The following ACAP3 variants were observed in gnomAD, a reference collection of about 807,000 sequenced individuals.
ACAP3 encodes arf-GAP with coiled-coil, ANK repeat and PH domain-containing protein 3.
ACAP3 carries 56 observed loss-of-function variants against 104.1 expected under a neutral mutation model. That is an observed-to-expected ratio of 0.54 (90% confidence interval 0.43 to 0.67). The LOEUF is 0.67. Among genes scored for constraint, ACAP3 ranks in the 30% least tolerant of loss-of-function variants. The probability of loss-of-function intolerance (pLI) is 0.00; values close to 1 mark genes in which losing one functional copy is unlikely to be tolerated. For synonymous variants in ACAP3, 628 were observed against 496.2 expected, an observed-to-expected ratio of 1.27 and a Z score of -3.53; for missense variants, 1,208 against 1,174.9, an observed-to-expected ratio of 1.03 and a Z score of -0.41.
At chr1:1,300,267 CAT>C (rs1175781948) in intron 6 of ACAP3, 65 bp from the exon 7 acceptor site, 1 of 1,524,926 alleles carries the variant, frequency 6.6e-7, no homozygotes. Flanking sequence ...CTGCACCTGC[CAT>C]AGAGTCCACC....
chr1:1,297,933 C>G lies in ACAP3; in HGVS notation c.1017G>C (p.Lys339Asn). 6.2e-7 allele frequency: 1 copy of G among 1,611,760 alleles called. No homozygotes were observed. The highest frequency in any genetic ancestry group is 8.5e-7 in the Non-Finnish European group (1 of 1,179,344). The change falls in exon 14 of 24, where the codon AAG becomes AAC. Residue 339 changes from lysine (K) to asparagine (N), a missense_variant and splice_region_variant. Transcript: ENST00000354700. Reference protein sequence around the residue: ...RFCFEVLSPTKSCMLQADSEK... With the variant: ...RFCFEVLSPTNSCMLQADSEK... ...CGGAGTCAGCCTGCAGCATGCAGCT[C>G]CTGCAGGCAGTGGAGGGGCGGGCGT...
chr1:1,298,351 C>T lies in ACAP3; in HGVS notation c.915+19G>A, dbSNP rs201061951. 1.9e-6 allele frequency: 3 copies of T among 1,605,934 alleles called. No homozygotes were observed. The highest frequency in any genetic ancestry group is 2.2e-5 in the East Asian group (1 of 44,756). On this transcript the variant is annotated intron_variant, in intron 12 of 23. Transcript: ENST00000354700. ...GGGCGTCCAGCCATCAGGGCCCCAG[C>T]CCCAGGCCCAGGGCACACCTTGAGC...
In ACAP3 at chr1:1,303,080, G is replaced by A; in HGVS notation, c.225+82C>T. The A allele has an allele frequency of 1.9e-6, 3 of 1,551,536 alleles. No individual in the cohort carries two copies. Among genetic ancestry groups the A allele is most frequent in the Non-Finnish European group, 1.7e-6 (2 of 1,146,608 alleles). Reference sequence around the variant, plus strand: ...GCGGTGCAGACACCGGCCTGCTTCTGGCCTGGACGCCCTCAAGGGGCTGCC... The same window carrying A: ...GCGGTGCAGACACCGGCCTGCTTCTAGCCTGGACGCCCTCAAGGGGCTGCC... On this transcript the variant is annotated intron_variant, in intron 3 of 23. Coordinates refer to ENST00000354700, the MANE Select transcript of ACAP3 (RefSeq NM_030649.3). The surrounding 1 kb of genome is among the most constrained non-coding windows in gnomAD (Gnocchi z 4.0).
chr1:1,303,360 G>C lies in ACAP3; in HGVS notation c.106-79C>G. 1 of 1,521,688 alleles carries C rather than the reference G, an allele frequency of 6.6e-7. No homozygotes were observed. Among genetic ancestry groups the C allele is most frequent in the Admixed American group, 2.0e-5 (1 of 49,082 alleles). The allele number at this position is 1,521,688 out of a possible 1,614,324, so 94.3% of individuals were successfully genotyped here. On this transcript the variant is annotated intron_variant, in intron 2 of 23. Transcript: ENST00000354700. This position sits in a 1 kb window ranked among gnomAD's most constrained non-coding sequence, Gnocchi z 4.0. ...CACCACACACGGCCACTCAGAGGCA[G>C]GAAGAGCTCCCAGGGTAGGTTCCAC...
At position 1,300,650 on chromosome 1, in the gene ACAP3, C is replaced by T. The variant is rs897423820; in HGVS notation, c.381G>A (p.Lys127=). 3 of 1,609,530 alleles carry T rather than the reference C, an allele frequency of 1.9e-6. No homozygotes were observed. The highest frequency in any genetic ancestry group is 2.5e-6 in the Non-Finnish European group (3 of 1,179,036). Residue 127 remains lysine (K), a synonymous_variant, in exon 6 of 24, where the codon AAG becomes AAA. Transcript: ENST00000354700. ...KFKETKKQFD[K]VREDLELSLV... Reference sequence around the variant, plus strand: ...GGGACAGCTCCAGGTCCTCCCGCACCTTGTCAAACTGCTTCTTTGTCTCCT... The same window carrying T: ...GGGACAGCTCCAGGTCCTCCCGCACTTTGTCAAACTGCTTCTTTGTCTCCT...
Position 1,299,356 on chromosome 1 carries a change from TCTGGAGGGC to T in ACAP3, c.739-9_739-1del, listed in dbSNP as rs1202984301. On this transcript the variant is annotated splice_acceptor_variant and splice_polypyrimidine_tract_variant and intron_variant, in intron 9 of 23. Transcript: ENST00000354700. LOFTEE classifies it high-confidence loss of function. Reference sequence around the variant, plus strand: ...CCGTGCTCACTTACCTGCAGCAGCGTCTGGAGGGCCGGAGCAGGAGGGGGTAGGGGGAGA... The same window carrying T: ...CCGTGCTCACTTACCTGCAGCAGCGTCGGAGCAGGAGGGGGTAGGGGGAGA... The T allele has an allele frequency of 1.3e-6, 2 of 1,575,114 alleles. No homozygotes were observed. The highest frequency in any genetic ancestry group is 1.7e-6 in the Non-Finnish European group (2 of 1,159,674).
At chr1:1,305,812 C>A (rs915127210) in intron 1 of ACAP3, 1 of 152,234 alleles carries the variant, frequency 6.6e-6, no homozygotes, top group Admixed American at 6.5e-5. Flanking sequence ...TTCCCCTACA[C>A]GGGCTCCCCT....
chr1:1,293,814 C>A lies in ACAP3; in HGVS notation c.2360+9G>T. 1.3e-6 allele frequency: 2 copies of A among 1,574,648 alleles called. No individual in the cohort carries two copies. Among genetic ancestry groups the A allele is most frequent in the East Asian group, 2.4e-5 (1 of 41,874 alleles). ...CCCCGCCCAGCCCCGAGGGCCCGGC[C>A]GCGCTCACAGTGTCACGATGTCAGC... On this transcript the variant is annotated intron_variant, in intron 23 of 23. Coordinates refer to ENST00000354700, the MANE Select transcript of ACAP3 (RefSeq NM_030649.3).
At chr1:1,299,465 GTCCCCAACTCCTGGGGGGCTC>G in intron 9 of ACAP3, 109 bp from the exon 10 acceptor site, 1 of 1,295,888 alleles carries the variant, frequency 7.7e-7, no homozygotes, top group Non-Finnish European at 1.0e-6. Context: ...TGGTGGACCC[GTCCCCAACTCCTGGGGGGCTC>G]TCCCCTATCC....
chr1:1,294,457 T>A lies in ACAP3; in HGVS notation c.2084A>T (p.Asn695Ile). ...AAALAHGAEV[N>I]WADAEDEGKT... ...GCCCTCATCCTCCGCGTCCGCCCAG[T>A]TGACCTCGGCCCCGTGGGCCAGCGC... is the stretch of plus-strand genomic sequence containing the variant. Residue 695 changes from asparagine (N) to isoleucine (I), a missense_variant, in exon 21 of 24, where the codon AAC becomes ATC. Transcript: ENST00000354700. The A allele has an allele frequency of 6.4e-7, 1 of 1,570,326 alleles. No homozygotes were observed. The highest frequency in any genetic ancestry group is 8.6e-7 in the Non-Finnish European group (1 of 1,164,552).
At chr1:1,294,029 G>A in intron 22 of ACAP3, 61 bp downstream of exon 22, 3 of 1,489,864 alleles carry the variant, frequency 2.0e-6, no homozygotes, top group Non-Finnish European at 2.7e-6. Context: ...CGGACAGGGC[G>A]TAGCCGGGCC....
rs1640975117 is a variant in ACAP3, at chr1:1,293,891, G to A, written c.2292C>T (p.Ala764=). ...ACGGGTCCCGCTGCTCTTGGTCCAG[G>A]GCGTGCTGGTCCGCGCCCCGCTTCA... ...LFLKRGADQH[A]LDQEQRDPLA... Residue 764 remains alanine, a synonymous_variant, in exon 23 of 24, where the codon GCC becomes GCT. Coordinates refer to ENST00000354700, the MANE Select transcript of ACAP3 (RefSeq NM_030649.3). 1 of 1,586,386 alleles carries A rather than the reference G, an allele frequency of 6.3e-7. No homozygotes were observed. The highest frequency in any genetic ancestry group is 8.6e-7 in the Non-Finnish European group (1 of 1,168,588).
rs1641547056 is a variant in ACAP3, at chr1:1,303,604, T to C, written c.106-323A>G. On this transcript the variant is annotated intron_variant, in intron 2 of 23. Transcript: ENST00000354700. The surrounding 1 kb of genome is among the most constrained non-coding windows in gnomAD (Gnocchi z 4.0). ...GCTGCCCACTCCCAGCTCCACGGCC[T>C]GTTGCCCCCTCCTCTTTCTCAGCCC... The C allele has an allele frequency of 1.7e-5, 8 of 469,090 alleles. No homozygotes were observed. The South Asian group carries it at 1.9e-4, about 11-fold the overall frequency. The allele number at this position is 469,090 out of a possible 1,614,324, so 29.1% of individuals were successfully genotyped here. A position where few individuals can be genotyped will look rare whatever the true frequency, so the allele number is the denominator to read the frequency against.
chr1:1,307,657 CCCCGGCGGCCGCGGCCCGG>C, intron 1 of ACAP3, 93 bp downstream of exon 1: 1 of 990,978 alleles, frequency 1.0e-6, no homozygotes, highest in Non-Finnish European at 1.2e-6. Context: ...TCCAGCCCCT[CCCCGGCGGCCGCGGCCCGG>C]CCCGGCGCTG....
intron 5 of ACAP3, among the ~76,000 whole-genome samples, 172 bp from the exon 6 acceptor site, chr1:1,300,864 C>T (rs998481463): frequency 1.7e-4 from 26 of 152,032 alleles, no homozygotes; most frequent in African/African-American, 4.6e-4. Flanking sequence ...CTCTGCCTCG[C>T]GAGTTCAAGT....
Position 1,307,755 on chromosome 1 carries a change from C to A in ACAP3, c.47+14G>T. On this transcript the variant is annotated intron_variant, in intron 1 of 23. Transcript: ENST00000354700. ...CCCGGCCTGCGCCCACCCCGGCGGCCCCGGGCGGCGCACCTGAAGCGCGGG... is the reference window on the plus strand; with the variant it reads ...CCCGGCCTGCGCCCACCCCGGCGGCACCGGGCGGCGCACCTGAAGCGCGGG... 9.1e-7 allele frequency: 1 copy of A among 1,099,314 alleles called. No homozygotes were observed. The highest frequency in any genetic ancestry group is 1.1e-6 in the Non-Finnish European group (1 of 903,512). 68.1% of individuals were successfully genotyped at this position (1,099,314 alleles called of 1,614,324 possible).
rs371843730 is a variant in ACAP3, at chr1:1,295,149, G to A, written c.1813+298C>T. ...GCTGAAATGTCTCCACCCAACCAAC[G>A]GGCAGCATGGCTCCAGAAGGGCCCT... On this transcript the variant is annotated intron_variant, in intron 19 of 23. Coordinates refer to ENST00000354700, the MANE Select transcript of ACAP3 (RefSeq NM_030649.3). The A allele has an allele frequency of 3.4e-5, 19 of 553,586 alleles. No individual in the cohort carries two copies. In the South Asian group the frequency reaches 3.6e-4, roughly 11 times the overall value. The allele number at this position is 553,586 out of a possible 1,614,324, so 34.3% of individuals were successfully genotyped here.
intron 5 of ACAP3, chr1:1,301,726 A>C (rs2100461324): frequency 6.3e-5 from 19 of 302,156 alleles, no homozygotes; most frequent in South Asian, 1.1e-4. Context: ...GACCCCAGCC[A>C]TGCCCCAGAC....
intron 1 of ACAP3, 105 bp downstream of exon 1, chr1:1,307,664 G>T: frequency 9.9e-7 from 1 of 1,008,384 alleles, no homozygotes; most frequent in South Asian, 4.1e-5. Flanking sequence ...CCTCCCCGGC[G>T]GCCGCGGCCC....
Sources: gnomAD v4.1 joint callset for allele counts (sites outside exome capture counted in the v4.1 genomes callset) on GRCh38, gnomAD v4.1.1 for gene constraint, Gnocchi (gnomAD v3.1) non-coding constraint, MANE v1.5 for transcripts, NCBI Gene and HGNC (gene_info 2026-07-23, HGNC 2026-07-21) for gene names.